Variants in BMP2K observed in about 807,000 individuals in gnomAD.
BMP2K encodes the protein BMP2 inducible kinase.
BMP2K carries 74 observed loss-of-function variants against 116.0 expected under a neutral mutation model. The observed-to-expected ratio is 0.64, with a 90% CI of 0.53 to 0.77. The LOEUF (loss-of-function observed/expected upper bound fraction) is 0.77. Among genes scored for constraint, BMP2K ranks in the 30% least tolerant of loss-of-function variants. The pLI is 0.00. For synonymous variants in BMP2K, 486 were observed against 502.5 expected (o/e 0.97, Z 0.44); for missense variants, 1,365 against 1,403.6 (o/e 0.97, Z 0.44).
At chr4:78,833,362 A>G (rs1230392405) in intron 2 of BMP2K, among the ~76,000 whole-genome samples, 1 of 152,130 alleles carries the variant, frequency 6.6e-6, no homozygotes, top group Non-Finnish European at 1.5e-5. Flanking sequence ...CAATTTAAAA[A>G]TAATTTTCAT....
intron 1 of BMP2K, among the ~76,000 whole-genome samples, chr4:78,804,526 G>T (rs1342176741): frequency 6.6e-6 from 1 of 151,964 alleles, no homozygotes; most frequent in African/African-American, 2.4e-5. Flanking sequence ...TTCCATAATG[G>T]TTGCACAATT....
At chr4:78,778,915 A>C (rs1466991975) in intron 1 of BMP2K, among the ~76,000 whole-genome samples, 1 of 152,236 alleles carries the variant, frequency 6.6e-6, no homozygotes, top group Non-Finnish European at 1.5e-5. Flanking sequence ...AGACCAAAGC[A>C]CAGACTTGGT....
chr4:78,902,567 C>T (rs1374222670), intron 15 of BMP2K, among the ~76,000 whole-genome samples: 1 of 152,146 alleles, frequency 6.6e-6, no homozygotes, highest in Non-Finnish European at 1.5e-5. Context: ...CCCTCCCGTA[C>T]ACCCTCAATG....
chr4:78,800,795 T>C (rs1318791229), intron 1 of BMP2K, among the ~76,000 whole-genome samples: 1 of 152,220 alleles, frequency 6.6e-6, no homozygotes, highest in African/African-American at 2.4e-5. Flanking sequence ...AATTGCTTTG[T>C]TTGTATACAA....
chr4:78,842,390 C>G lies in BMP2K; in HGVS notation c.409C>G (p.Gln137Glu), dbSNP rs1313675640. The G allele has an allele frequency of 6.3e-7, 1 of 1,586,912 alleles. No homozygotes were observed. Among genetic ancestry groups the G allele is most frequent in the Non-Finnish European group, 8.6e-7 (1 of 1,160,924 alleles). Reference sequence around the variant, plus strand: ...AAAATTACTTTTTTGGTTAGCTGGACAGGTAGTGAATCAAATGAATAAGAA... The same window carrying G: ...AAAATTACTTTTTTGGTTAGCTGGAGAGGTAGTGAATCAAATGAATAAGAA... ...LILMEYCRAG[Q>E]VVNQMNKKLQ... The change falls in exon 4 of 16, where the codon CAG (glutamine) becomes GAG (glutamate). Residue 137 changes from glutamine to glutamate, a missense_variant. Physicochemically the swap from Gln to Glu is conservative, Grantham distance 29. Transcript: ENST00000502613.
intron 1 of BMP2K, among the ~76,000 whole-genome samples, chr4:78,811,164 T>A (rs747485304): frequency 3.3e-5 from 5 of 152,208 alleles, no homozygotes; most frequent in Non-Finnish European, 7.3e-5. Context: ...TTTCATTTGT[T>A]TATCTTTATT....
At position 78,782,871 on chromosome 4, in the gene BMP2K, C is replaced by G. The variant is rs139493344; in HGVS notation, c.178+6150C>G. On this transcript the variant is annotated intron_variant, in intron 1 of 15. Coordinates refer to ENST00000502613, the MANE Select transcript of BMP2K (RefSeq NM_198892.2). ...CTGTGCATTCAGTTGTCCAGTAGTA[C>G]TTACTCAGCACCCTTTTTTGTTGTT... Among the ~76,000 whole-genome samples the G allele has an allele frequency of 6.0e-4, 92 of 152,210 alleles. 3 individuals are homozygous for G. The East Asian group carries it at 0.017, about 28-fold the overall frequency.
chr4:78,788,145 C>T (rs969138282), intron 1 of BMP2K, among the ~76,000 whole-genome samples: 1 of 151,790 alleles, frequency 6.6e-6, no homozygotes, highest in Admixed American at 6.6e-5. Context: ...CTCTTGCCTG[C>T]ATCACAGACT....
Position 78,870,841 on chromosome 4 carries a change from G to C in BMP2K, c.1290G>C (p.Gln430His). Residue 430 changes from glutamine to histidine, a missense_variant, in exon 11 of 16, where the codon CAG becomes CAC. Transcript: ENST00000502613. ...TATTGGGTCAGGGACCTCCTCAGCA[G>C]CCGCCACAGCAGCATAGAGTACTCC... ...EILLGQGPPQ[Q>H]PPQQHRVLQQ... 6.2e-7 allele frequency: 1 copy of C among 1,614,066 alleles called. No homozygotes were observed. Among genetic ancestry groups the C allele is most frequent in the Non-Finnish European group, 8.5e-7 (1 of 1,180,014 alleles).
intron 2 of BMP2K, among the ~76,000 whole-genome samples, chr4:78,831,658 A>G (rs17003461): frequency 0.019 from 2,890 of 152,328 alleles, 85 homozygotes; most frequent in African/African-American, 0.062. Context: ...TGACCTCTGT[A>G]ATTAATGGCA....
Position 78,912,425 on chromosome 4 carries a change from C to G in BMP2K, c.*392C>G, listed in dbSNP as rs115660542. ...CATATCCCTAAAATTAGGGTTATTTCTACATACACTAGTTACACTTGTGAA... is the reference window on the plus strand; with the variant it reads ...CATATCCCTAAAATTAGGGTTATTTGTACATACACTAGTTACACTTGTGAA... On this transcript the variant is annotated 3_prime_UTR_variant, in exon 16 of 16. Coordinates refer to ENST00000502613, the MANE Select transcript of BMP2K (RefSeq NM_198892.2). The G allele has an allele frequency of 6.0e-6, 1 of 165,978 alleles. No homozygotes were observed. Among genetic ancestry groups the G allele is most frequent in the East Asian group, 1.7e-4 (1 of 5,802 alleles). 10.3% of individuals were successfully genotyped at this position (165,978 alleles called of 1,614,324 possible).
Position 78,911,215 on chromosome 4 carries a change from C to G in BMP2K, c.2668C>G (p.Leu890Val). The part of the protein sequence containing the change: ...LPQHRFPAAG[L>V]EQEEFDVFTK... ...TCAACACAGGTTTCCTGCTGCAGGA[C>G]TGGAGCAGGAGGAATTTGATGTATT... Residue 890 changes from leucine to valine, a missense_variant, in exon 16 of 16, where the codon CTG (leucine) becomes GTG (valine). This residue lies in a region of BMP2K where 596 missense variants were observed against 623.2 expected (regional missense o/e 0.96). Transcript: ENST00000502613. The G allele has an allele frequency of 6.2e-7, 1 of 1,613,812 alleles. No individual in the cohort carries two copies. Among genetic ancestry groups the G allele is most frequent in the Non-Finnish European group, 8.5e-7 (1 of 1,179,800 alleles).
Position 78,911,299 on chromosome 4 carries a change from G to A in BMP2K, c.2752G>A (p.Glu918Lys), listed in dbSNP as rs748964239. ...NVQECHAVGP[E>K]AHTIPGYPKS... ...ACAAGAATGCCATGCAGTGGGGCCTGAGGCACATACTATCCCTGGTTATCC... is the reference window on the plus strand; with the variant it reads ...ACAAGAATGCCATGCAGTGGGGCCTAAGGCACATACTATCCCTGGTTATCC... Residue 918 changes from glutamate (E) to lysine (K), a missense_variant, in exon 16 of 16, where the codon GAG (glutamate) becomes AAG (lysine). Transcript: ENST00000502613. 1.2e-6 allele frequency: 2 copies of A among 1,613,976 alleles called. No homozygotes were observed. Among genetic ancestry groups the A allele is most frequent in the South Asian group, 2.2e-5 (2 of 91,072 alleles).
rs186691265 is a variant in BMP2K at position 78,801,995 on chromosome 4, A to T, written c.179-24042A>T. Among the ~76,000 whole-genome samples the T allele has an allele frequency of 5.9e-5, 9 of 152,340 alleles. No individual in the cohort carries two copies. In the East Asian group the frequency reaches 1.7e-3, roughly 29 times the overall value. The stretch of plus-strand genomic sequence containing the variant: ...TATGATCTTCCATCTAGGCTCAATT[A>T]CTTTCAGTCTGACACTCTCTCCTTT... On this transcript the variant is annotated intron_variant, in intron 1 of 15. Transcript: ENST00000502613.
chr4:78,859,443 A>G, intron 7 of BMP2K, 141 bp from the exon 8 acceptor site: 1 of 502,284 alleles, frequency 2.0e-6, no homozygotes, highest in Non-Finnish European at 3.4e-6. Flanking sequence ...CATTTTCTGT[A>G]GGCATTAATA....
intron 11 of BMP2K, 110 bp from the exon 12 acceptor site, chr4:78,871,740 G>T: frequency 1.7e-6 from 1 of 604,670 alleles, no homozygotes; most frequent in Non-Finnish European, 2.9e-6. Context: ...ATTTTGTATT[G>T]ATGTTTGGAC....
At chr4:78,776,771 T>G in intron 1 of BMP2K, 50 bp downstream of exon 1, 1 of 1,222,224 alleles carries the variant, frequency 8.2e-7, no homozygotes, top group African/African-American at 1.6e-5. Context: ...AGGGTTGGGG[T>G]GTGGCGGCGG....
intron 1 of BMP2K, among the ~76,000 whole-genome samples, chr4:78,799,967 G>A (rs1241840158): frequency 1.3e-5 from 2 of 152,198 alleles, no homozygotes; most frequent in African/African-American, 2.4e-5. Flanking sequence ...GCGGGGAATA[G>A]TGGAAGTCGG....
intron 1 of BMP2K, among the ~76,000 whole-genome samples, chr4:78,808,607 C>A (rs1024476865): frequency 6.6e-6 from 1 of 152,004 alleles, no homozygotes; most frequent in Non-Finnish European, 1.5e-5. Context: ...TATAAAATTC[C>A]CTCTAGGAAC....
Sources: allele counts gnomAD v4.1 joint callset (sites outside exome capture counted in the v4.1 genomes callset), GRCh38; gene constraint gnomAD v4.1.1; regional missense constraint gnomAD v4.1.1; transcripts MANE v1.5; gene names NCBI Gene and HGNC (gene_info 2026-07-23, HGNC 2026-07-21).